Variants in AMOTL1 observed in about 807,000 individuals in gnomAD.
AMOTL1 encodes the protein angiomotin-like protein 1.
Under a neutral mutation model 102.9 loss-of-function variants are expected in AMOTL1, and 45 were observed. The ratio of observed to expected loss-of-function variants is 0.44; its 90% CI spans 0.34 to 0.56. AMOTL1 has a LOEUF of 0.56. AMOTL1 is among the 20% of genes least tolerant of loss of function. AMOTL1 has a pLI of 0.01. For synonymous variants in AMOTL1, 481 were observed against 484.7 expected, an observed-to-expected ratio of 0.99 and a Z score of 0.10; for missense variants, 1,114 against 1,225.6, an observed-to-expected ratio of 0.91 and a Z score of 1.36.
chr11:94,839,335 A>G (rs1952248384), intron 6 of AMOTL1, among the ~76,000 whole-genome samples: 1 of 152,258 alleles, frequency 6.6e-6, no homozygotes, highest in Non-Finnish European at 1.5e-5. Context: ...GCTAGCCCTC[A>G]CAGGTACATT....
intron 1 of AMOTL1, among the ~76,000 whole-genome samples, chr11:94,779,183 A>T (rs2847509): frequency 6.6e-6 from 1 of 152,208 alleles, no homozygotes; most frequent in Admixed American, 6.5e-5. Flanking sequence ...GTAGCCCACA[A>T]TAAGTCTTTA....
chr11:94,849,868 A>C (rs940016009), intron 6 of AMOTL1, among the ~76,000 whole-genome samples: 1 of 152,170 alleles, frequency 6.6e-6, no homozygotes, highest in Non-Finnish European at 1.5e-5. Context: ...TCGAGAATAT[A>C]GGGTCACTGG....
At chr11:94,746,944 G>T (rs572957738) in intron 3 of AMOTL1, among the ~76,000 whole-genome samples, 126 of 152,048 alleles carry the variant, frequency 8.3e-4, no homozygotes, top group African/African-American at 2.9e-3. Flanking sequence ...GTGAGGGTGT[G>T]ACCCGTGAGA....
chr11:94,830,273 G>A (rs1357210886), intron 5 of AMOTL1, 79 bp downstream of exon 5: 2 of 1,387,864 alleles, frequency 1.4e-6, no homozygotes, highest in South Asian at 1.5e-5. Context: ...CAAGGCCAGA[G>A]TGCTTTGCCA....
chr11:94,711,376 C>T (rs563003689), intron 1 of AMOTL1, among the ~76,000 whole-genome samples: 1 of 152,100 alleles, frequency 6.6e-6, no homozygotes, highest in Non-Finnish European at 1.5e-5. Context: ...TTAACATTTA[C>T]ATACCTATAG....
intron 1 of AMOTL1, among the ~76,000 whole-genome samples, chr11:94,779,904 T>C (rs12418045): frequency 0.05 from 7,649 of 152,238 alleles, 479 homozygotes; most frequent in East Asian, 0.28. Flanking sequence ...ATTAAAAGAC[T>C]CACCGTTTTG....
Position 94,864,877 on chromosome 11 carries a change from T to A in AMOTL1, c.2261+17T>A. On this transcript the variant is annotated intron_variant, in intron 10 of 12. Transcript: ENST00000433060. Reference sequence around the variant, plus strand: ...GGAATACACGTAAGGGACGACTATGTGTGACGTGTGGGGCCCGCTGCATTC... The same window carrying A: ...GGAATACACGTAAGGGACGACTATGAGTGACGTGTGGGGCCCGCTGCATTC... 1 of 1,609,818 alleles carries A rather than the reference T, an allele frequency of 6.2e-7. No individual in the cohort carries two copies. Among genetic ancestry groups the A allele is most frequent in the South Asian group, 1.1e-5 (1 of 90,288 alleles).
At chr11:94,780,719 A>G (rs1451367310) in intron 1 of AMOTL1, among the ~76,000 whole-genome samples, 1 of 152,194 alleles carries the variant, frequency 6.6e-6, no homozygotes, top group Non-Finnish European at 1.5e-5. Context: ...TGTTGTCTCA[A>G]TTAATCTTCG....
At chr11:94,741,137 G>T in intron 3 of AMOTL1, 1 of 554,100 alleles carries the variant, frequency 1.8e-6, no homozygotes. Context: ...CTGCCTTCGC[G>T]GCCGGAACCG....
At chr11:94,806,574 A>C (rs1321464898) in intron 3 of AMOTL1, among the ~76,000 whole-genome samples, 3 of 152,198 alleles carry the variant, frequency 2.0e-5, no homozygotes, top group African/African-American at 7.2e-5. Flanking sequence ...TGTTTTGAAT[A>C]CCAGCATGGG....
At chr11:94,755,319 A>G (rs1950708673) in intron 3 of AMOTL1, among the ~76,000 whole-genome samples, 1 of 152,182 alleles carries the variant, frequency 6.6e-6, no homozygotes, top group South Asian at 2.1e-4. Flanking sequence ...GCAGAAGCTC[A>G]TGTCTGATCG....
intron 3 of AMOTL1, among the ~76,000 whole-genome samples, chr11:94,812,600 G>A (rs1168012079): frequency 6.6e-6 from 1 of 152,300 alleles, no homozygotes; most frequent in Non-Finnish European, 1.5e-5. Flanking sequence ...AAATTGTGAG[G>A]AAAGTATATA....
intron 1 of AMOTL1, among the ~76,000 whole-genome samples, chr11:94,783,209 T>TAAA (rs1348680811): frequency 6.6e-6 from 1 of 152,234 alleles, no homozygotes; most frequent in African/African-American, 2.4e-5. Context: ...CTCTCAGTGC[T>TAAA]TTAGTATCCT....
intron 1 of AMOTL1, among the ~76,000 whole-genome samples, chr11:94,718,794 A>G (rs1950133489): frequency 6.6e-6 from 1 of 151,920 alleles, no homozygotes. Context: ...TATGGATATT[A>G]ATCTTTTGTA....
At chr11:94,756,055 G>A (rs1325309392) in intron 3 of AMOTL1, among the ~76,000 whole-genome samples, 5 of 151,964 alleles carry the variant, frequency 3.3e-5, no homozygotes, top group Admixed American at 2.6e-4. Flanking sequence ...GTGACCTTCC[G>A]CTGGAGTCAG....
chr11:94,737,883 G>A (rs1487635408), intron 2 of AMOTL1, among the ~76,000 whole-genome samples: 1 of 152,250 alleles, frequency 6.6e-6, no homozygotes, highest in African/African-American at 2.4e-5. Flanking sequence ...AATGGAGAAT[G>A]GGTGCTATCA....
At position 94,870,756 on chromosome 11, in the gene AMOTL1, C is replaced by A; in HGVS notation, c.2832C>A (p.Pro944=). 1 of 1,602,728 alleles carries A rather than the reference C, an allele frequency of 6.2e-7. No individual in the cohort carries two copies. The change falls in exon 13 of 13, where the codon CCC becomes CCA. Residue 944 remains proline, a synonymous_variant. Coordinates refer to ENST00000433060, the MANE Select transcript of AMOTL1 (RefSeq NM_130847.3). ...GGGTCAGCAGCTTGCTGCACAAGCC[C>A]GAGTTCCCTGATGGAGAGATGATGG... is the stretch of plus-strand genomic sequence containing the variant. The part of the protein sequence containing the change: ...RGRVSSLLHK[P]EFPDGEMMEV...
chr11:94,736,951 A>G (rs942194456), intron 2 of AMOTL1, among the ~76,000 whole-genome samples: 2 of 152,232 alleles, frequency 1.3e-5, no homozygotes, highest in Non-Finnish European at 2.9e-5. Context: ...AATTAATATG[A>G]AACATTATTG....
intron 1 of AMOTL1, among the ~76,000 whole-genome samples, chr11:94,719,831 C>T (rs981611372): frequency 3.9e-5 from 6 of 152,072 alleles, no homozygotes; most frequent in South Asian, 2.1e-4. Context: ...AGGGCACATC[C>T]GGTGTATCAC....
Sources: gnomAD v4.1 joint callset for allele counts (sites outside exome capture counted in the v4.1 genomes callset) on GRCh38, gnomAD v4.1.1 for gene constraint, MANE v1.5 for transcripts, NCBI Gene and HGNC (gene_info 2026-07-23, HGNC 2026-07-21) for gene names.